Variants in FBXO34 observed in about 807,000 individuals in gnomAD.
The protein encoded by FBXO34 is F-box protein 34, also known as F-box only protein 34.
Under a neutral mutation model 24.5 loss-of-function variants are expected in FBXO34, and 12 were observed. The observed-to-expected ratio is 0.49, with a 90% CI of 0.31 to 0.79. The LOEUF is 0.79. Ranked by LOEUF, FBXO34 falls within the 30% of genes least tolerant of loss-of-function variation. The pLI, the probability that FBXO34 is intolerant of heterozygous loss-of-function variation, is 0.04. For synonymous variants in FBXO34, 320 were observed against 311.9 expected (o/e 1.03, Z -0.27); for missense variants, 823 against 857.7 (o/e 0.96, Z 0.51).
At chr14:55,342,642 C>T (rs1193558113) in intron 1 of FBXO34, among the ~76,000 whole-genome samples, 4 of 152,042 alleles carry the variant, frequency 2.6e-5, no homozygotes, top group South Asian at 2.1e-4. Flanking sequence ...TGTGCCTCTG[C>T]CTATATTCAC....
At chr14:55,298,854 G>A in intron 1 of FBXO34, 2 of 1,612,056 alleles carry the variant, frequency 1.2e-6, no homozygotes, top group Non-Finnish European at 1.7e-6. Flanking sequence ...GGCGCAGATC[G>A]ACGGTACATT....
intron 1 of FBXO34, among the ~76,000 whole-genome samples, chr14:55,287,749 G>T (rs1241128544): frequency 6.6e-6 from 1 of 152,154 alleles, no homozygotes; most frequent in African/African-American, 2.4e-5. Context: ...AAATATTTCC[G>T]CCAGAGTCAC....
At chr14:55,305,551 C>A (rs181717256) in intron 1 of FBXO34, among the ~76,000 whole-genome samples, 585 of 151,548 alleles carry the variant, frequency 3.9e-3, no homozygotes, top group African/African-American at 0.014. Context: ...CAAAAATTAG[C>A]CAGGTGTGGT....
the FBXO34 span, among the ~76,000 whole-genome samples, chr14:55,433,116 A>G: frequency 1.3e-5 from 2 of 151,822 alleles, no homozygotes; most frequent in Non-Finnish European, 2.9e-5. Context: ...TAAAATGGGG[A>G]TATGTCAGTA....
At chr14:55,426,036 G>A in the FBXO34 span, among the ~76,000 whole-genome samples, 4 of 152,172 alleles carry the variant, frequency 2.6e-5, no homozygotes, top group Non-Finnish European at 4.4e-5. Flanking sequence ...GGAAGTCGAG[G>A]TGGGTGGATC....
At chr14:55,358,869 T>TG (rs567077560) in intron 3 of FBXO34, among the ~76,000 whole-genome samples, 321 of 152,024 alleles carry the variant, frequency 2.1e-3, no homozygotes, top group African/African-American at 5.6e-3. Context: ...CAGTTGCAGG[T>TG]GGGGTTGAGA....
chr14:55,367,780 T>TAC (rs1884714412), exon 3 of FBXO34: 1 of 151,398 alleles, frequency 6.6e-6, no homozygotes, highest in South Asian at 2.1e-4. Context: ...GAGAAAAGCC[T>TAC]ACTTCCTCCT....
chr14:55,395,598 T>A, the FBXO34 span, among the ~76,000 whole-genome samples: 54 of 152,350 alleles, frequency 3.5e-4, no homozygotes, highest in Middle Eastern at 6.8e-3. Flanking sequence ...CAAGATTATG[T>A]AAATAGCCAC....
intron 1 of FBXO34, among the ~76,000 whole-genome samples, chr14:55,346,290 C>T (rs1884157733): frequency 6.6e-6 from 1 of 152,090 alleles, no homozygotes; most frequent in Non-Finnish European, 1.5e-5. Flanking sequence ...GTTAGGTTTT[C>T]CAATAACTGA....
At chr14:55,324,018 T>C (rs1456043095) in intron 1 of FBXO34, among the ~76,000 whole-genome samples, 1 of 152,124 alleles carries the variant, frequency 6.6e-6, no homozygotes, top group African/African-American at 2.4e-5. Flanking sequence ...TGTTTAATTA[T>C]AGAACATTTT....
At chr14:55,313,746 C>T (rs189217916) in intron 1 of FBXO34, among the ~76,000 whole-genome samples, 10 of 152,308 alleles carry the variant, frequency 6.6e-5, no homozygotes, top group Admixed American at 6.5e-4. Flanking sequence ...CTCGTGAGAA[C>T]TGACCTCACT....
the FBXO34 span, chr14:55,436,613 T>C: frequency 1.9e-6 from 3 of 1,614,082 alleles, no homozygotes; most frequent in Non-Finnish European, 2.5e-6. Flanking sequence ...ATTGGTGTCA[T>C]GGGAGTTATG....
chr14:55,279,754 C>G lies in FBXO34; in HGVS notation c.-11+8217C>G, dbSNP rs1267433592. 2.6e-5 allele frequency among the ~76,000 whole-genome samples: 4 copies of G among 152,294 alleles called. No homozygotes were observed. In the East Asian group the frequency reaches 7.7e-4, roughly 29 times the overall value. On this transcript the variant is annotated intron_variant, in intron 1 of 1. Transcript: ENST00000313833. Reference sequence around the variant, plus strand: ...ATTAGTTTAGCCAGCCTGGGCCTACCTCTGGAGCTGGGGGTCATTCCCTCC... The same window carrying G: ...ATTAGTTTAGCCAGCCTGGGCCTACGTCTGGAGCTGGGGGTCATTCCCTCC...
intron 1 of FBXO34, chr14:55,271,803 G>C (rs898903642): frequency 1.3e-5 from 2 of 151,654 alleles, no homozygotes; most frequent in Non-Finnish European, 2.9e-5. Context: ...GGTAGGGAGC[G>C]GGGTCCTGGG....
the FBXO34 span, chr14:55,414,123 C>A: frequency 2.3e-5 from 13 of 555,994 alleles, no homozygotes; most frequent in Middle Eastern, 4.8e-4. Context: ...CTTCATGATG[C>A]TACAATATCA....
At chr14:55,379,380 A>G in the FBXO34 span, among the ~76,000 whole-genome samples, 10 of 151,952 alleles carry the variant, frequency 6.6e-5, no homozygotes, top group African/African-American at 1.9e-4. Flanking sequence ...ATACAAAAAA[A>G]TACAAAAAAA....
At chr14:55,333,625 A>G (rs1883673393) in intron 1 of FBXO34, among the ~76,000 whole-genome samples, 1 of 152,144 alleles carries the variant, frequency 6.6e-6, no homozygotes. Flanking sequence ...TTAAAGATAG[A>G]AGTATTTTTA....
At chr14:55,379,204 A>T in the FBXO34 span, among the ~76,000 whole-genome samples, 4 of 152,206 alleles carry the variant, frequency 2.6e-5, no homozygotes, top group Admixed American at 6.5e-5. Context: ...CATAACTAAA[A>T]ATTTTAAAAG....
the FBXO34 span, chr14:55,386,146 T>C: frequency 6.8e-7 from 1 of 1,475,500 alleles, no homozygotes; most frequent in South Asian, 1.2e-5. Context: ...ACAGTTCCTG[T>C]GTACTGCAGA....
Sources: gnomAD v4.1 joint callset for allele counts (sites outside exome capture counted in the v4.1 genomes callset) on GRCh38, gnomAD v4.1.1 for gene constraint, MANE v1.5 for transcripts, NCBI Gene and HGNC (gene_info 2026-07-23, HGNC 2026-07-21) for gene names.